The following AGTPBP1 variants were observed in gnomAD, a reference collection of about 807,000 sequenced individuals.
AGTPBP1 encodes cytosolic carboxypeptidase 1.
A neutral mutation model predicts 143.9 loss-of-function variants in AGTPBP1; 70 were observed. The ratio of observed to expected loss-of-function variants is 0.49; its 90% CI spans 0.40 to 0.59. AGTPBP1 has a LOEUF of 0.59. AGTPBP1 is among the 20% of genes least tolerant of loss of function. The pLI, the probability that AGTPBP1 is intolerant of heterozygous loss-of-function variation, is 0.00. For missense variants in AGTPBP1, 1,229 were observed against 1,464.5 expected (o/e 0.84, Z 2.62); for synonymous variants, 463 against 500.2 (o/e 0.93, Z 0.99).
At chr9:85,578,804 T>C in intron 24 of AGTPBP1, 116 bp downstream of exon 24, 2 of 1,045,876 alleles carry the variant, frequency 1.9e-6, no homozygotes, top group South Asian at 1.6e-5. Flanking sequence ...TTATTACATA[T>C]TACATGTAAC....
At chr9:85,789,679 C>G in the AGTPBP1 span, among the ~76,000 whole-genome samples, 1 of 151,900 alleles carries the variant, frequency 6.6e-6, no homozygotes, top group Non-Finnish European at 1.5e-5. Flanking sequence ...CTTCATGAAC[C>G]CAGGGTCCAA....
Position 85,677,429 on chromosome 9 carries a change from C to A in AGTPBP1, c.436+7G>T. 1.2e-6 allele frequency: 2 copies of A among 1,604,994 alleles called. No individual in the cohort carries two copies. The highest frequency in any genetic ancestry group is 1.7e-6 in the Non-Finnish European group (2 of 1,176,066). The stretch of plus-strand genomic sequence containing the variant: ...GATACAATAATCATACAAATGAAAT[C>A]CCTTACCTTTTGGTCCAATCTTTGC... On this transcript the variant is annotated splice_region_variant and intron_variant, in intron 6 of 25. Coordinates refer to ENST00000357081, the MANE Select transcript of AGTPBP1 (RefSeq NM_001330701.2).
intron 18 of AGTPBP1, among the ~76,000 whole-genome samples, chr9:85,593,782 T>C (rs1359258317): frequency 1.3e-5 from 2 of 152,182 alleles, no homozygotes; most frequent in East Asian, 1.9e-4. Flanking sequence ...TTTTTGTAAA[T>C]GTTTGAAGAT....
upstream of AGTPBP1, among the ~76,000 whole-genome samples, chr9:85,746,275 C>T (rs1460638798): frequency 1.3e-5 from 2 of 152,066 alleles, no homozygotes; most frequent in Admixed American, 1.3e-4. Context: ...CAAAAAGCTG[C>T]CTCTCTCCTT....
intron 11 of AGTPBP1, among the ~76,000 whole-genome samples, chr9:85,651,266 C>A (rs1319339441): frequency 6.6e-6 from 1 of 152,130 alleles, no homozygotes; most frequent in Non-Finnish European, 1.5e-5. Context: ...AAAGGCCACC[C>A]ATGTATTTCT....
At chr9:85,608,916 A>G (rs901079439) in intron 17 of AGTPBP1, among the ~76,000 whole-genome samples, 4 of 152,192 alleles carry the variant, frequency 2.6e-5, no homozygotes, top group African/African-American at 9.6e-5. Context: ...GGAGGAAGGC[A>G]TCTGTCCAAA....
chr9:85,566,678 T>A (rs915750079), intron 25 of AGTPBP1, among the ~76,000 whole-genome samples: 1 of 151,870 alleles, frequency 6.6e-6, no homozygotes, highest in Non-Finnish European at 1.5e-5. Context: ...AAGATATATA[T>A]CTCCTTGGAC....
At chr9:85,600,130 T>C (rs1829570737) in intron 17 of AGTPBP1, among the ~76,000 whole-genome samples, 2 of 152,246 alleles carry the variant, frequency 1.3e-5, no homozygotes, top group South Asian at 4.1e-4. Flanking sequence ...GTATTACTAT[T>C]ATCATTATTT....
upstream of AGTPBP1, among the ~76,000 whole-genome samples, chr9:85,742,330 C>G (rs1261681111): frequency 6.6e-6 from 1 of 152,138 alleles, no homozygotes; most frequent in Non-Finnish European, 1.5e-5. Flanking sequence ...GGGCCCCAGC[C>G]TTTTCCCGGA....
intron 2 of AGTPBP1, among the ~76,000 whole-genome samples, chr9:85,708,004 T>C (rs1837124484): frequency 6.6e-6 from 1 of 152,150 alleles, no homozygotes; most frequent in Admixed American, 6.5e-5. Flanking sequence ...ATGGCACGTG[T>C]ATACTTATGT....
chr9:85,633,887 G>GAA (rs755544610), intron 13 of AGTPBP1, among the ~76,000 whole-genome samples: 2,450 of 135,834 alleles, frequency 0.018, 34 homozygotes, highest in African/African-American at 0.04. Context: ...AAGCTCTACA[G>GAA]AAAAAAAAAA....
intron 2 of AGTPBP1, among the ~76,000 whole-genome samples, chr9:85,704,189 A>G (rs1052644642): frequency 6.6e-6 from 1 of 152,136 alleles, no homozygotes; most frequent in Admixed American, 6.6e-5. Context: ...CAGACAGCCC[A>G]ACAGTCTTCT....
the AGTPBP1 span, chr9:85,793,563 T>C: frequency 1.4e-5 from 2 of 142,438 alleles, no homozygotes; most frequent in Non-Finnish European, 3.1e-5. Flanking sequence ...GTCAAGACTT[T>C]AAGGGTAATG....
intron 2 of AGTPBP1, among the ~76,000 whole-genome samples, chr9:85,704,143 C>T (rs1836839082): frequency 6.6e-6 from 1 of 152,270 alleles, no homozygotes; most frequent in South Asian, 2.1e-4. Flanking sequence ...TAGCTTACAG[C>T]CTTGACAGTT....
the AGTPBP1 span, among the ~76,000 whole-genome samples, chr9:85,758,085 A>G: frequency 2.0e-5 from 3 of 152,088 alleles, no homozygotes; most frequent in African/African-American, 7.2e-5. Flanking sequence ...CCCCACTTAA[A>G]TAAGTGGCCC....
At chr9:85,563,630 A>G (rs564636474) in intron 25 of AGTPBP1, among the ~76,000 whole-genome samples, 18 of 152,342 alleles carry the variant, frequency 1.2e-4, no homozygotes, top group South Asian at 6.2e-4. Context: ...TATTGTAACA[A>G]ACGAGAAAGA....
the AGTPBP1 span, among the ~76,000 whole-genome samples, chr9:85,763,208 C>G: frequency 6.6e-6 from 1 of 151,928 alleles, no homozygotes; most frequent in Non-Finnish European, 1.5e-5. Flanking sequence ...TCACATCAAG[C>G]CTGTCCAGAG....
chr9:85,653,396 G>C (rs1291224609), intron 11 of AGTPBP1, among the ~76,000 whole-genome samples: 1 of 152,186 alleles, frequency 6.6e-6, no homozygotes, highest in Non-Finnish European at 1.5e-5. Flanking sequence ...TGAGAAGCAG[G>C]CATCAAAGGA....
rs112565067 is a variant in AGTPBP1, at chr9:85,634,193, CAA to C, written c.1303-821_1303-820del. On this transcript the variant is annotated intron_variant, in intron 13 of 25. Transcript: ENST00000357081. ...TGAGTGACAAAGTGAGACTCTCTCT[CAA>C]AAAAAAAAAAAAAAAAAAAAAGGAG... Among the ~76,000 whole-genome samples, 19 of 56,306 alleles carry C rather than the reference CAA, an allele frequency of 3.4e-4. No homozygotes were observed. In the East Asian group the frequency reaches 3.4e-3, roughly 10 times the overall value. The allele number at this position is 56,306 out of a possible 152,430, so 36.9% of individuals were successfully genotyped here.
Sources: gnomAD v4.1 joint callset for allele counts (sites outside exome capture counted in the v4.1 genomes callset) on GRCh38, gnomAD v4.1.1 for gene constraint, MANE v1.5 for transcripts, NCBI Gene and HGNC (gene_info 2026-07-23, HGNC 2026-07-21) for gene names.